The following DLGAP1 variants were observed in gnomAD, a reference collection of about 807,000 sequenced individuals.
DLGAP1 encodes the protein disks large-associated protein 1.
Under a neutral mutation model 90.8 loss-of-function variants are expected in DLGAP1, and 11 were observed. That is an observed-to-expected ratio of 0.12 (90% CI 0.08 to 0.20). The LOEUF is 0.20. Among genes scored for constraint, DLGAP1 ranks in the 10% least tolerant of loss-of-function variants. The pLI is 1.00. For synonymous variants in DLGAP1, 558 were observed against 540.7 expected, an observed-to-expected ratio of 1.03 and a Z score of -0.44; for missense variants, 1,050 against 1,333.8, an observed-to-expected ratio of 0.79 and a Z score of 3.31.
intron 1 of DLGAP1, among the ~76,000 whole-genome samples, chr18:4,238,174 G>A (rs1409583065): frequency 6.6e-6 from 1 of 152,120 alleles, no homozygotes; most frequent in Non-Finnish European, 1.5e-5. Flanking sequence ...CTTCCTCTCT[G>A]TTTCATCAAT....
intron 2 of DLGAP1, among the ~76,000 whole-genome samples, chr18:4,061,922 G>A (rs1442301579): frequency 6.6e-6 from 1 of 152,046 alleles, no homozygotes; most frequent in Non-Finnish European, 1.5e-5. Context: ...ACTGTAACAG[G>A]TGCTCTTAAA....
At chr18:4,276,975 G>T (rs1432510292) in intron 1 of DLGAP1, among the ~76,000 whole-genome samples, 2 of 152,244 alleles carry the variant, frequency 1.3e-5, no homozygotes, top group Admixed American at 6.5e-5. Context: ...CATTTCATTT[G>T]CTTGCTAGAC....
intron 7 of DLGAP1, among the ~76,000 whole-genome samples, chr18:3,633,721 T>A (rs1351614309): frequency 1.3e-5 from 2 of 152,218 alleles, no homozygotes; most frequent in African/African-American, 4.8e-5. Context: ...CTATAGATAC[T>A]TTTCTCCAGA....
intron 3 of DLGAP1, among the ~76,000 whole-genome samples, chr18:3,897,721 C>A (rs368683343): frequency 3.6e-4 from 54 of 150,426 alleles, no homozygotes; most frequent in African/African-American, 1.3e-3. Context: ...GCACTCATTA[C>A]AGGTTGAGTA....
At chr18:4,102,414 G>T (rs2143889681) in intron 2 of DLGAP1, among the ~76,000 whole-genome samples, 1 of 152,296 alleles carries the variant, frequency 6.6e-6, no homozygotes, top group Admixed American at 6.5e-5. Flanking sequence ...AAGCCAACTA[G>T]ACTGAACTCT....
chr18:4,399,881 G>A (rs1416614714), intron 1 of DLGAP1, among the ~76,000 whole-genome samples: 1 of 152,110 alleles, frequency 6.6e-6, no homozygotes, highest in East Asian at 1.9e-4. Context: ...TACCTGTAAA[G>A]CACTGACTCA....
chr18:4,269,569 T>C (rs1296259478), intron 1 of DLGAP1, among the ~76,000 whole-genome samples: 2 of 151,914 alleles, frequency 1.3e-5, no homozygotes, highest in East Asian at 1.9e-4. Flanking sequence ...TTAGCCAGGA[T>C]GGTCTCGATC....
At chr18:3,503,220 T>A (rs1447856121) in intron 11 of DLGAP1, among the ~76,000 whole-genome samples, 1 of 149,902 alleles carries the variant, frequency 6.7e-6, no homozygotes, top group East Asian at 1.9e-4. Flanking sequence ...AATTTTATCA[T>A]ATGACTGCTT....
chr18:3,872,005 C>T (rs2070774786), intron 4 of DLGAP1, among the ~76,000 whole-genome samples: 1 of 152,096 alleles, frequency 6.6e-6, no homozygotes, highest in Non-Finnish European at 1.5e-5. Context: ...GTAGAAACTC[C>T]AGTTGACAGA....
intron 2 of DLGAP1, among the ~76,000 whole-genome samples, chr18:4,068,590 C>A (rs1335523214): frequency 6.6e-6 from 1 of 151,958 alleles, no homozygotes; most frequent in East Asian, 1.9e-4. Flanking sequence ...ATAAAATATG[C>A]TTTATAGTAT....
At chr18:4,275,912 T>A (rs2079401655) in intron 1 of DLGAP1, among the ~76,000 whole-genome samples, 1 of 152,082 alleles carries the variant, frequency 6.6e-6, no homozygotes, top group South Asian at 2.1e-4. Context: ...TAGAAAAGCC[T>A]TTGCTCAAAT....
chr18:3,531,938 C>T (rs1011223886), intron 10 of DLGAP1, among the ~76,000 whole-genome samples: 1 of 152,132 alleles, frequency 6.6e-6, no homozygotes, highest in Non-Finnish European at 1.5e-5. Flanking sequence ...TTGCCGCAAC[C>T]TCTGCCTCTG....
intron 2 of DLGAP1, among the ~76,000 whole-genome samples, chr18:4,045,158 C>T (rs2075030449): frequency 6.6e-6 from 1 of 152,044 alleles, no homozygotes; most frequent in Admixed American, 6.6e-5. Flanking sequence ...CCACTCTCAT[C>T]TCCTACTAAC....
In DLGAP1 at chr18:4,362,890, G is replaced by A. The variant is rs570839302; in HGVS notation, c.-267+92116C>T. On this transcript the variant is annotated intron_variant, in intron 1 of 12. Transcript: ENST00000315677. ...TGAACTTTGGCTAAGAACAGCAGGA[G>A]TCTCTGACAAGCCATTAAAAACAGC... 3.9e-5 allele frequency among the ~76,000 whole-genome samples: 6 copies of A among 152,192 alleles called. No individual in the cohort carries two copies. The South Asian group carries it at 1.2e-3, about 32-fold the overall frequency.
At chr18:3,728,706 G>A (rs1353851583) in intron 7 of DLGAP1, among the ~76,000 whole-genome samples, 1 of 152,126 alleles carries the variant, frequency 6.6e-6, no homozygotes, top group Non-Finnish European at 1.5e-5. Context: ...TCACTTTGTG[G>A]CTATCTTGGA....
intron 7 of DLGAP1, among the ~76,000 whole-genome samples, chr18:3,661,967 AATGTAGTGGC>A (rs1327448291): frequency 6.6e-6 from 1 of 152,124 alleles, no homozygotes; most frequent in Non-Finnish European, 1.5e-5. Flanking sequence ...TAACTCTATT[AATGTAGTGGC>A]AGAGAATTTG....
At position 4,279,633 on chromosome 18, in the gene DLGAP1, A is replaced by G. The variant is rs556340796; in HGVS notation, c.-266-128346T>C. On this transcript the variant is annotated intron_variant, in intron 1 of 12. Coordinates refer to ENST00000315677, the MANE Select transcript of DLGAP1 (RefSeq NM_004746.4). Reference sequence around the variant, plus strand: ...TATGTCCAATTACAACAGTGATTTAAATGTGTCTAACGTATTGAATATTAG... The same window carrying G: ...TATGTCCAATTACAACAGTGATTTAGATGTGTCTAACGTATTGAATATTAG... 2.0e-5 allele frequency among the ~76,000 whole-genome samples: 3 copies of G among 152,340 alleles called. No individual in the cohort carries two copies. In the East Asian group the frequency reaches 5.8e-4, roughly 29 times the overall value.
At chr18:4,403,518 C>T (rs1009822181) in intron 1 of DLGAP1, among the ~76,000 whole-genome samples, 8 of 152,124 alleles carry the variant, frequency 5.3e-5, no homozygotes, top group Admixed American at 4.6e-4. Flanking sequence ...GGCAATATTT[C>T]GCCATGCATG....
rs911745162 is a variant in DLGAP1 at position 4,059,576 on chromosome 18, T to C, written c.-158-54375A>G. On this transcript the variant is annotated intron_variant, in intron 2 of 12. Coordinates refer to ENST00000315677, the MANE Select transcript of DLGAP1 (RefSeq NM_004746.4). ...AAAATACAAAATTAGCTGGGTGTGG[T>C]GGTGCATGCCTGTAATCCCAGCTAC... Among the ~76,000 whole-genome samples the C allele has an allele frequency of 1.4e-4, 21 of 152,124 alleles. 1 individual carries two copies. Among genetic ancestry groups the C allele is most frequent in the African/African-American group, 5.1e-4 (21 of 41,422 alleles).
Sources: gnomAD v4.1 joint callset for allele counts (sites outside exome capture counted in the v4.1 genomes callset) on GRCh38, gnomAD v4.1.1 for gene constraint, MANE v1.5 for transcripts, NCBI Gene and HGNC (gene_info 2026-07-23, HGNC 2026-07-21) for gene names.